Variants in MTMR10 observed in about 807,000 individuals in gnomAD.
MTMR10 encodes the protein myotubularin-related protein 10.
Under a neutral mutation model 88.1 loss-of-function variants are expected in MTMR10, and 56 were observed. That is an observed-to-expected ratio of 0.64 (90% confidence interval 0.51 to 0.79). MTMR10 has a LOEUF of 0.79. MTMR10 is among the 30% of genes least tolerant of loss of function. MTMR10 has a pLI of 0.00. For missense variants in MTMR10, 883 were observed against 924.7 expected, an observed-to-expected ratio of 0.95 and a Z score of 0.58; for synonymous variants, 380 against 340.9, an observed-to-expected ratio of 1.11 and a Z score of -1.26.
chr15:30,987,915 C>G (rs188744487), intron 2 of MTMR10, among the ~76,000 whole-genome samples: 6 of 151,658 alleles, frequency 4.0e-5, no homozygotes, highest in Non-Finnish European at 8.8e-5. Flanking sequence ...TGTTCCCCTC[C>G]CGGTGTCCAT....
chr15:30,946,608 C>T (rs1453912101), intron 14 of MTMR10: 2 of 639,066 alleles, frequency 3.1e-6, no homozygotes, highest in African/African-American at 3.6e-5. Context: ...CATTTGTCAG[C>T]TTCTGTTGTT....
rs761977871 is a variant in MTMR10, at chr15:30,941,889, C to T, written c.1915G>A (p.Ala639Thr). 103 of 1,613,980 alleles carry T rather than the reference C, an allele frequency of 6.4e-5. 1 individual carries two copies. The Middle Eastern group carries it at 2.0e-3, about 31-fold the overall frequency. The change falls in exon 16 of 16, where the codon GCC becomes ACC. Residue 639 changes from alanine to threonine, a missense_variant. Physicochemically the swap from Ala to Thr is moderately conservative, Grantham distance 58 (BLOSUM62 0). Transcript: ENST00000435680. ...QYFREWFSKPANLHGVILPRV... is the reference protein window; with the variant it reads ...QYFREWFSKPTNLHGVILPRV... The stretch of plus-strand genomic sequence containing the variant: ...GGCAGAATAACACCGTGCAGGTTGG[C>T]GGGTTTGGAAAACCATTCTCTAAAA...
In MTMR10 at chr15:30,991,459, C is replaced by T; in HGVS notation, c.48G>A (p.Leu16=). The T allele has an allele frequency of 6.7e-7, 1 of 1,503,474 alleles. No homozygotes were observed. Among genetic ancestry groups the T allele is most frequent in the Non-Finnish European group, 8.8e-7 (1 of 1,132,278 alleles). 93.1% of individuals were successfully genotyped at this position (1,503,474 alleles called of 1,614,324 possible). ...PPKPTFRSYL[L]PPPQTDDKIN... Reference sequence around the variant, plus strand: ...AGGGGTTGTTTACCTGGGGCGGTGGCAGGAGGTAGGACCTGAAGGTGGGTT... The same window carrying T: ...AGGGGTTGTTTACCTGGGGCGGTGGTAGGAGGTAGGACCTGAAGGTGGGTT... The change falls in exon 1 of 16, where the codon CTG becomes CTA. Residue 16 remains leucine (L), a synonymous_variant. Transcript: ENST00000435680.
intron 10 of MTMR10, among the ~76,000 whole-genome samples, 177 bp downstream of exon 10, chr15:30,954,586 C>G (rs1248126498): frequency 6.6e-6 from 1 of 152,146 alleles, no homozygotes; most frequent in Non-Finnish European, 1.5e-5. Context: ...GTAGTTTAAA[C>G]TTAATTCCTT....
In MTMR10 at chr15:30,974,626, C is replaced by G. The variant is rs1050335112; in HGVS notation, c.332-170G>C. On this transcript the variant is annotated intron_variant, in intron 4 of 15. Transcript: ENST00000435680. ...CCTAGAACTTGGGGGTTGGTTTTAA[C>G]TTTGCTTTGGAAGATATTTTAAATG... Among the ~76,000 whole-genome samples, 6 of 152,110 alleles carry G rather than the reference C, an allele frequency of 3.9e-5. No homozygotes were observed. In the East Asian group the frequency reaches 9.6e-4, roughly 24 times the overall value.
At chr15:30,979,232 T>C (rs1033386582) in intron 2 of MTMR10, among the ~76,000 whole-genome samples, 1 of 151,994 alleles carries the variant, frequency 6.6e-6, no homozygotes, top group Admixed American at 6.6e-5. Context: ...CTAAGACTTA[T>C]GATCCACACA....
intron 5 of MTMR10, among the ~76,000 whole-genome samples, chr15:30,969,390 T>G (rs1681145094): frequency 6.6e-6 from 1 of 152,178 alleles, no homozygotes; most frequent in African/African-American, 2.4e-5. Flanking sequence ...ATTCCTAATC[T>G]TTTTAACAGT....
At chr15:30,959,343 G>T (rs1004789736) in intron 7 of MTMR10, among the ~76,000 whole-genome samples, 7 of 152,174 alleles carry the variant, frequency 4.6e-5, no homozygotes, top group Non-Finnish European at 7.3e-5. Flanking sequence ...TATAGCATGA[G>T]AAAATTCCAA....
rs2063429820 is a variant in MTMR10, at chr15:30,963,424, A to C, written c.566-2351T>G. On this transcript the variant is annotated intron_variant, in intron 6 of 15. Transcript: ENST00000435680. The stretch of plus-strand genomic sequence containing the variant: ...GGTGGGCGGATCACAAGGTCAGGAG[A>C]TCGAGACCATCTTGGCTAACACGGT... Among the ~76,000 whole-genome samples the C allele has an allele frequency of 2.0e-5, 3 of 152,104 alleles. No individual in the cohort carries two copies. In the South Asian group the frequency reaches 6.2e-4, roughly 32 times the overall value.
the MTMR10 span, among the ~76,000 whole-genome samples, chr15:30,933,188 T>C: frequency 6.6e-6 from 1 of 152,220 alleles, no homozygotes; most frequent in Non-Finnish European, 1.5e-5. Flanking sequence ...TCATTTGTTT[T>C]TTTATTTCCT....
At chr15:30,929,576 TTATTA>T in the MTMR10 span, among the ~76,000 whole-genome samples, 49 of 128,464 alleles carry the variant, frequency 3.8e-4, no homozygotes, top group South Asian at 2.1e-3. Context: ...TTTATTATAT[TTATTA>T]TATTATATAT....
the MTMR10 span, chr15:30,925,875 C>T: frequency 6.2e-7 from 1 of 1,614,230 alleles, no homozygotes; most frequent in East Asian, 2.2e-5. Context: ...CTGACCCCAC[C>T]ACGGTCCTGT....
the MTMR10 span, chr15:30,926,923 G>C: frequency 2.0e-6 from 2 of 985,364 alleles, no homozygotes; most frequent in Non-Finnish European, 2.4e-6. Flanking sequence ...TTTTGTGTCA[G>C]AGCGATCTCA....
chr15:30,972,454 G>A (rs1203601103), intron 5 of MTMR10, among the ~76,000 whole-genome samples: 1 of 151,946 alleles, frequency 6.6e-6, no homozygotes, highest in Non-Finnish European at 1.5e-5. Context: ...TTAGGATACT[G>A]GGGAAAAGAT....
Position 30,958,946 on chromosome 15 carries a change from C to A in MTMR10, c.852G>T (p.Trp284Cys). The stretch of plus-strand genomic sequence containing the variant: ...CACTGCCGTTAGAGTGGCTCCAGCA[C>A]CAGAGCTAGGGGAGAGGTAGAATCC... ...HSFVGRRMPL[W>C]CWSHSNGSAL... is the part of the protein sequence containing the mutation. Residue 284 changes from tryptophan to cysteine, a missense_variant, in exon 9 of 16, where the codon TGG becomes TGT. Physicochemically the swap from Trp to Cys is radical, Grantham distance 215. Coordinates refer to ENST00000435680, the MANE Select transcript of MTMR10 (RefSeq NM_017762.3). 6.2e-7 allele frequency: 1 copy of A among 1,613,956 alleles called. No homozygotes were observed. The highest frequency in any genetic ancestry group is 8.5e-7 in the Non-Finnish European group (1 of 1,179,868).
At chr15:30,972,017 TC>T (rs1369020753) in intron 5 of MTMR10, among the ~76,000 whole-genome samples, 1 of 152,202 alleles carries the variant, frequency 6.6e-6, no homozygotes, top group Non-Finnish European at 1.5e-5. Context: ...TTCTTGAATT[TC>T]ATTTTTCAAA....
chr15:30,961,706 C>T (rs2063404609), intron 6 of MTMR10, among the ~76,000 whole-genome samples: 1 of 152,178 alleles, frequency 6.6e-6, no homozygotes, highest in South Asian at 2.1e-4. Context: ...ACCACTCTAG[C>T]TACTATGCTA....
chr15:30,964,250 A>G (rs549159379), intron 6 of MTMR10, among the ~76,000 whole-genome samples: 2 of 152,358 alleles, frequency 1.3e-5, no homozygotes, highest in East Asian at 3.9e-4. Context: ...ACAGTTATGT[A>G]AAACAGTTTG....
chr15:30,968,577 A>ACACACACACACACACACAC (rs1566960338), intron 5 of MTMR10, among the ~76,000 whole-genome samples: 9 of 149,286 alleles, frequency 6.0e-5, no homozygotes, highest in African/African-American at 2.2e-4. Flanking sequence ...ACACACACAC[A>ACACACACACACACACACAC]AACTGTGTTT....
Sources: allele counts gnomAD v4.1 joint callset (sites outside exome capture counted in the v4.1 genomes callset), GRCh38; gene constraint gnomAD v4.1.1; transcripts MANE v1.5; gene names NCBI Gene and HGNC (gene_info 2026-07-23, HGNC 2026-07-21).